The following SMURF1 variants were observed in gnomAD, a reference collection of about 807,000 sequenced individuals.
The protein encoded by SMURF1 is SMAD specific E3 ubiquitin protein ligase 1, also known as E3 ubiquitin-protein ligase SMURF1.
A neutral mutation model predicts 98.0 loss-of-function variants in SMURF1; 44 were observed. The observed-to-expected ratio is 0.45, with a 90% CI of 0.35 to 0.58. The LOEUF is 0.58. SMURF1 is among the 20% of genes least tolerant of loss of function. The pLI, the probability that SMURF1 is intolerant of heterozygous loss-of-function variation, is 0.00. For missense variants in SMURF1, 687 were observed against 938.4 expected (o/e 0.73, Z 3.50); for synonymous variants, 396 against 374.9 (o/e 1.06, Z -0.65).
chr7:99,035,474 A>G, intron 16 of SMURF1, 41 bp downstream of exon 16: 1 of 1,609,180 alleles, frequency 6.2e-7, no homozygotes, highest in Non-Finnish European at 8.5e-7. Context: ...CACAGCGCAC[A>G]TAGACGCGTC....
At chr7:99,132,789 T>G (rs1226003072) in intron 1 of SMURF1, among the ~76,000 whole-genome samples, 1 of 149,854 alleles carries the variant, frequency 6.7e-6, no homozygotes, top group Admixed American at 6.7e-5. Flanking sequence ...AGGACTGGGG[T>G]GGAGAATAAG....
Position 99,091,764 on chromosome 7 carries a change from T to G in SMURF1, c.56-29927A>C, listed in dbSNP as rs1011402640. On this transcript the variant is annotated intron_variant, in intron 1 of 17. Coordinates refer to ENST00000361368, the MANE Select transcript of SMURF1 (RefSeq NM_181349.3). ...AGTTGGATTACTCTGCCCTAATGTCTCCAGCTCTGGGCAGCAAGTCTAACC... is the reference window on the plus strand; with the variant it reads ...AGTTGGATTACTCTGCCCTAATGTCGCCAGCTCTGGGCAGCAAGTCTAACC... Among the ~76,000 whole-genome samples, 7 of 152,318 alleles carry G rather than the reference T, an allele frequency of 4.6e-5. No individual in the cohort carries two copies. The Middle Eastern group carries it at 0.02, about 444-fold the overall frequency.
At chr7:99,067,301 T>C (rs1479679931) in intron 1 of SMURF1, among the ~76,000 whole-genome samples, 1 of 152,110 alleles carries the variant, frequency 6.6e-6, no homozygotes, top group East Asian at 1.9e-4. Flanking sequence ...CAGGCTTAGA[T>C]CTAGTATTTT....
intron 1 of SMURF1, among the ~76,000 whole-genome samples, chr7:99,111,041 T>C (rs151220393): frequency 6.6e-6 from 1 of 152,294 alleles, no homozygotes; most frequent in East Asian, 1.9e-4. Flanking sequence ...ACTAATAAAA[T>C]AGCTACCAAC....
intron 1 of SMURF1, among the ~76,000 whole-genome samples, chr7:99,127,389 A>G (rs1287962561): frequency 6.6e-6 from 1 of 152,098 alleles, no homozygotes; most frequent in Non-Finnish European, 1.5e-5. Flanking sequence ...GAACACAAGA[A>G]TACCATGGTA....
chr7:99,133,700 CAT>C (rs1217009032), intron 1 of SMURF1, among the ~76,000 whole-genome samples: 1 of 152,156 alleles, frequency 6.6e-6, no homozygotes, highest in Admixed American at 6.5e-5. Flanking sequence ...CACCAAAAGA[CAT>C]ATACCTGAAA....
At chr7:99,132,311 G>A (rs1797887474) in intron 1 of SMURF1, among the ~76,000 whole-genome samples, 1 of 152,162 alleles carries the variant, frequency 6.6e-6, no homozygotes, top group Non-Finnish European at 1.5e-5. Context: ...CAATAAACAA[G>A]GAGGGCATTA....
At chr7:99,137,980 A>C (rs1798032496) in intron 1 of SMURF1, among the ~76,000 whole-genome samples, 1 of 152,184 alleles carries the variant, frequency 6.6e-6, no homozygotes, top group Admixed American at 6.5e-5. Flanking sequence ...CTTTAACTAG[A>C]AAGGCCTTAG....
chr7:99,032,023 A>C (rs1358062293), intron 17 of SMURF1, among the ~76,000 whole-genome samples: 22 of 152,240 alleles, frequency 1.4e-4, no homozygotes, highest in Admixed American at 1.4e-3. Context: ...TAGACAAGGT[A>C]CGTGTGTCAT....
intron 1 of SMURF1, among the ~76,000 whole-genome samples, chr7:99,064,064 G>A (rs549682217): frequency 9.9e-5 from 15 of 152,272 alleles, no homozygotes; most frequent in Middle Eastern, 3.4e-3. Flanking sequence ...GATACGGTGC[G>A]TGACATTAAT....
At position 99,047,791 on chromosome 7, in the gene SMURF1, C is replaced by A. The variant is rs775470035; in HGVS notation, c.1045G>T (p.Glu349Ter). The A allele has an allele frequency of 6.2e-7, 1 of 1,614,200 alleles. No homozygotes were observed. ...EDEELPAQRY[E>*]RDLVQKLKVL... ...TTCAGCTTCTGGACTAGATCTCTTT[C>A]GTATCTCTGGGCAGGAAGCTCCTCG... The change falls in exon 10 of 18, where the codon GAA becomes TAA. Residue 349 changes from glutamate to a stop codon, truncating the protein, a stop_gained. Coordinates refer to ENST00000361368, the MANE Select transcript of SMURF1 (RefSeq NM_181349.3). LOFTEE classifies it high-confidence loss of function.
chr7:99,037,953 C>T (rs182394625), intron 14 of SMURF1, among the ~76,000 whole-genome samples: 127 of 152,324 alleles, frequency 8.3e-4, no homozygotes, highest in African/African-American at 3.0e-3. Flanking sequence ...GGCACACAGA[C>T]GTGCCCACAT....
chr7:99,136,318 T>C (rs1797991827), intron 1 of SMURF1, among the ~76,000 whole-genome samples: 1 of 152,260 alleles, frequency 6.6e-6, no homozygotes, highest in South Asian at 2.1e-4. Flanking sequence ...GGCCTTTTCC[T>C]AATTGATTTT....
At chr7:99,118,434 C>G (rs1006531240) in intron 1 of SMURF1, among the ~76,000 whole-genome samples, 1 of 152,132 alleles carries the variant, frequency 6.6e-6, no homozygotes, top group East Asian at 1.9e-4. Flanking sequence ...TGTGGTCTAT[C>G]CATGCAATCA....
chr7:99,129,885 T>C (rs1208785508), intron 1 of SMURF1, among the ~76,000 whole-genome samples: 1 of 152,218 alleles, frequency 6.6e-6, no homozygotes. Flanking sequence ...AAACTTTTTT[T>C]CTTTTTAAGA....
At position 99,045,985 on chromosome 7, in the gene SMURF1, C is replaced by T. The variant is rs113429315; in HGVS notation, c.1153-184G>A. Among the ~76,000 whole-genome samples, 619 of 152,042 alleles carry T rather than the reference C, an allele frequency of 4.1e-3. 2 individuals carry two copies. The highest frequency in any genetic ancestry group is 0.013 in the African/African-American group (544 of 41,458). Reference sequence around the variant, plus strand: ...CATCATCTTTTTTCTCAGTTTCTCCCTCTGAGACAACAACAAAACAAACAC... The same window carrying T: ...CATCATCTTTTTTCTCAGTTTCTCCTTCTGAGACAACAACAAAACAAACAC... On this transcript the variant is annotated intron_variant, in intron 10 of 17. Transcript: ENST00000361368.
intron 1 of SMURF1, among the ~76,000 whole-genome samples, chr7:99,134,046 C>G (rs1265205344): frequency 1.3e-5 from 2 of 150,472 alleles, no homozygotes; most frequent in Non-Finnish European, 2.9e-5. Flanking sequence ...TTCCAAGCAC[C>G]AGCAATATTC....
chr7:99,118,587 G>C (rs911860764), intron 1 of SMURF1, among the ~76,000 whole-genome samples: 1 of 152,174 alleles, frequency 6.6e-6, no homozygotes, highest in Non-Finnish European at 1.5e-5. Flanking sequence ...ATGTAGAACA[G>C]GCAAATTCAT....
chr7:99,057,348 A>C, intron 4 of SMURF1, 70 bp downstream of exon 4: 1 of 1,612,562 alleles, frequency 6.2e-7, no homozygotes, highest in African/African-American at 1.3e-5. Context: ...TTCAGCGATC[A>C]AAACAAAAAA....
Sources: gnomAD v4.1 joint callset for allele counts (sites outside exome capture counted in the v4.1 genomes callset) on GRCh38, gnomAD v4.1.1 for gene constraint, MANE v1.5 for transcripts, NCBI Gene and HGNC (gene_info 2026-07-23, HGNC 2026-07-21) for gene names.